Variants in ADRA1A observed in about 807,000 individuals in gnomAD.
ADRA1A encodes adrenoceptor alpha 1A.
Under a neutral mutation model 29.6 loss-of-function variants are expected in ADRA1A, and 31 were observed. The ratio of observed to expected loss-of-function variants is 1.05; its 90% CI spans 0.79 to 1.41. ADRA1A has a LOEUF of 1.41. Among genes scored for constraint, ADRA1A ranks in the 40% most tolerant of loss-of-function variants. The pLI, the probability that ADRA1A is intolerant of heterozygous loss-of-function variation, is 0.00. For missense variants in ADRA1A, 619 were observed against 601.1 expected (o/e 1.03, Z -0.31); for synonymous variants, 311 against 254.3 (o/e 1.22, Z -2.12).
rs1226251480 is a variant in ADRA1A at position 26,864,829 on chromosome 8, C to G, written c.141G>C (p.Val47=). The change falls in exon 2 of 3, where the codon GTG becomes GTC. Residue 47 remains valine (V), a synonymous_variant. Transcript: ENST00000380573. The surrounding 1 kb of genome is among the most constrained non-coding windows in gnomAD (Gnocchi z 8.1). ...ILFGVLGNIL[V]ILSVACHRHL... ...GTCGGTGACAGGCTACGGAGAGGAT[C>G]ACTAGGATGTTACCCAGCACCCCGA... 1 of 1,614,106 alleles carries G rather than the reference C, an allele frequency of 6.2e-7. No homozygotes were observed. Among genetic ancestry groups the G allele is most frequent in the Non-Finnish European group, 8.5e-7 (1 of 1,180,024 alleles).
At chr8:26,861,313 T>G (rs117681398) in intron 2 of ADRA1A, among the ~76,000 whole-genome samples, 27,853 of 147,982 alleles carry the variant, frequency 0.19, 2,688 homozygotes, top group Admixed American at 0.26. Flanking sequence ...GTTTTTTTTT[T>G]TTTTTTTTTT....
intron 2 of ADRA1A, among the ~76,000 whole-genome samples, chr8:26,817,688 GGATT>G (rs1329345707): frequency 6.6e-6 from 1 of 152,172 alleles, no homozygotes; most frequent in Non-Finnish European, 1.5e-5. Context: ...TGACATTGGA[GGATT>G]GATTGAGCCT....
At position 26,848,014 on chromosome 8, in the gene ADRA1A, C is replaced by T. The variant is rs1345445677; in HGVS notation, c.883+16073G>A. 6.6e-6 allele frequency among the ~76,000 whole-genome samples: 1 copy of T among 152,200 alleles called. No homozygotes were observed. Among genetic ancestry groups the T allele is most frequent in the East Asian group, 1.9e-4 (1 of 5,188 alleles). The stretch of plus-strand genomic sequence containing the variant: ...AGAAGTTTGAAAGCCACTGGCTCAA[C>T]CCAAGCCCCTCTCCTACAGATGAGG... On this transcript the variant is annotated intron_variant, in intron 2 of 2. Coordinates refer to ENST00000380573, the MANE Select transcript of ADRA1A (RefSeq NM_000680.4). This position sits in a 1 kb window ranked among gnomAD's most constrained non-coding sequence, Gnocchi z 4.3.
intron 2 of ADRA1A, among the ~76,000 whole-genome samples, chr8:26,828,444 A>G (rs10110744): frequency 0.043 from 6,617 of 152,264 alleles, 173 homozygotes; most frequent in Middle Eastern, 0.13. Context: ...TAAAATAAAA[A>G]ACACTACACA....
exon 3 of ADRA1A, chr8:26,756,548 G>A (rs1338093529): frequency 1.3e-6 from 2 of 1,543,916 alleles, no homozygotes; most frequent in African/African-American, 2.7e-5. Context: ...CATTCCTTAA[G>A]TTACTGTTTT....
chr8:26,756,112 C>T (rs1357579549), downstream of ADRA1A, among the ~76,000 whole-genome samples: 1 of 152,232 alleles, frequency 6.6e-6, no homozygotes, highest in Non-Finnish European at 1.5e-5. Flanking sequence ...AAATTGCAAA[C>T]ATACTTCGAT....
chr8:26,840,325 G>T (rs931262851), intron 2 of ADRA1A, among the ~76,000 whole-genome samples: 3 of 152,120 alleles, frequency 2.0e-5, no homozygotes, highest in Non-Finnish European at 2.9e-5. Context: ...GTAGGAGAAG[G>T]TGTTGCATGC....
chr8:26,753,667 C>G (rs2130158180), downstream of ADRA1A, among the ~76,000 whole-genome samples: 1 of 152,124 alleles, frequency 6.6e-6, no homozygotes, highest in East Asian at 1.9e-4. Flanking sequence ...ATCTTAATAC[C>G]TATTCATCCA....
chr8:26,799,525 C>T (rs1031726213), intron 2 of ADRA1A, among the ~76,000 whole-genome samples: 1 of 152,150 alleles, frequency 6.6e-6, no homozygotes, highest in Non-Finnish European at 1.5e-5. Flanking sequence ...AGGGTAATTG[C>T]CTACAAGAAT....
At chr8:26,777,966 G>C (rs1806674394) in intron 2 of ADRA1A, among the ~76,000 whole-genome samples, 1 of 152,232 alleles carries the variant, frequency 6.6e-6, no homozygotes, top group African/African-American at 2.4e-5. Flanking sequence ...CAAGGAAAGA[G>C]GTCACTTGGG....
intron 2 of ADRA1A, chr8:26,859,091 G>T: frequency 7.8e-7 from 1 of 1,288,364 alleles, no homozygotes; most frequent in Non-Finnish European, 1.0e-6. Context: ...GCTGTGGATA[G>T]CACACTCATC....
chr8:26,749,271 C>T (rs979850767), intron 2 of ADRA1A, among the ~76,000 whole-genome samples: 3 of 152,142 alleles, frequency 2.0e-5, no homozygotes, highest in African/African-American at 7.2e-5. Context: ...ACCCAGGGAT[C>T]TAAGATAATC....
chr8:26,748,359 C>T (rs935725340), exon 3 of ADRA1A: 11 of 181,692 alleles, frequency 6.1e-5, no homozygotes, highest in Middle Eastern at 2.5e-3. Flanking sequence ...ATCCGTCCAG[C>T]CCTGCTGTTT....
chr8:26,818,876 G>A (rs572850769), intron 2 of ADRA1A, among the ~76,000 whole-genome samples: 6 of 152,172 alleles, frequency 3.9e-5, no homozygotes, highest in African/African-American at 1.4e-4. Context: ...GCATAATGAA[G>A]AATTTAAGAG....
At chr8:26,752,342 G>T (rs1804955495), downstream of ADRA1A, among the ~76,000 whole-genome samples, 1 of 152,202 alleles carries the variant, frequency 6.6e-6, no homozygotes, top group Non-Finnish European at 1.5e-5. Context: ...ACCAGAGGAG[G>T]CTGGCCATCC....
intron 2 of ADRA1A, among the ~76,000 whole-genome samples, chr8:26,852,211 A>C (rs1812688617): frequency 6.6e-6 from 1 of 152,214 alleles, no homozygotes; most frequent in Non-Finnish European, 1.5e-5. Context: ...GGATGACAGC[A>C]CTGCCTACCC....
chr8:26,802,207 C>CAA (rs148265497), intron 2 of ADRA1A, among the ~76,000 whole-genome samples: 3 of 151,110 alleles, frequency 2.0e-5, no homozygotes, highest in African/African-American at 4.9e-5. Context: ...GCAACCAAAG[C>CAA]AAAAAAAACG....
downstream of ADRA1A, among the ~76,000 whole-genome samples, chr8:26,768,162 C>T (rs1237754944): frequency 1.1e-4 from 17 of 152,162 alleles, no homozygotes; most frequent in Non-Finnish European, 4.4e-5. Flanking sequence ...CAAACATACC[C>T]TCCATTGCAA....
chr8:26,827,112 A>C (rs1810632857), intron 2 of ADRA1A, among the ~76,000 whole-genome samples: 1 of 152,236 alleles, frequency 6.6e-6, no homozygotes, highest in South Asian at 2.1e-4. Flanking sequence ...CAATGTGCTT[A>C]AAATAGTATC....
Sources: gnomAD v4.1 joint callset for allele counts (sites outside exome capture counted in the v4.1 genomes callset) on GRCh38, gnomAD v4.1.1 for gene constraint, Gnocchi (gnomAD v3.1) non-coding constraint, MANE v1.5 for transcripts, NCBI Gene and HGNC (gene_info 2026-07-23, HGNC 2026-07-21) for gene names.